GABRG3: variants seen among roughly 807,000 people sequenced by gnomAD.
GABRG3 encodes the protein gamma-aminobutyric acid type A receptor subunit gamma3, also known as gamma-aminobutyric acid receptor subunit gamma-3.
A neutral mutation model predicts 48.8 loss-of-function variants in GABRG3; 25 were observed. The observed-to-expected ratio is 0.51, with a 90% CI of 0.37 to 0.72. The LOEUF is 0.72. Ranked by LOEUF, GABRG3 falls within the 30% of genes least tolerant of loss-of-function variation. The probability of loss-of-function intolerance (pLI) is 0.00; values close to 1 mark genes in which losing one functional copy is unlikely to be tolerated. For missense variants in GABRG3, 394 were observed against 577.9 expected (o/e 0.68, Z 3.26); for synonymous variants, 227 against 217.6 (o/e 1.04, Z -0.38).
At chr15:27,367,234 A>G (rs1022662115) in intron 5 of GABRG3, among the ~76,000 whole-genome samples, 3 of 152,140 alleles carry the variant, frequency 2.0e-5, no homozygotes, top group Admixed American at 2.0e-4. Context: ...GTCTCGTGAG[A>G]ACACCCAGGA....
rs1429074645 is a variant in GABRG3 at position 27,539,912 on chromosome 15, A to G, written c.*7031A>G. 1 of 152,238 alleles carries G rather than the reference A, an allele frequency of 6.6e-6. No individual in the cohort carries two copies. The highest frequency in any genetic ancestry group is 1.5e-5 in the Non-Finnish European group (1 of 68,032). The allele number at this position is 152,238 out of a possible 1,614,324, so 9.4% of individuals were successfully genotyped here. On this transcript the variant is annotated 3_prime_UTR_variant, in exon 10 of 10. Transcript: ENST00000615808. ...CACATAACTTGCTCCCTCAAGTTCT[A>G]AATTGTCACCAAATATGAAAGGTTT...
At chr15:27,335,071 A>G (rs915367454) in intron 5 of GABRG3, among the ~76,000 whole-genome samples, 2 of 151,284 alleles carry the variant, frequency 1.3e-5, no homozygotes, top group Non-Finnish European at 2.9e-5. Flanking sequence ...ATTATATCAT[A>G]TGCAATACTG....
intron 5 of GABRG3, among the ~76,000 whole-genome samples, chr15:27,391,571 C>T (rs1208665244): frequency 1.3e-5 from 2 of 152,174 alleles, no homozygotes; most frequent in African/African-American, 4.8e-5. Context: ...AGTACAGGCC[C>T]TGGCTGCCAC....
At chr15:27,290,357 A>AATT (rs1478250082) in intron 3 of GABRG3, among the ~76,000 whole-genome samples, 1 of 151,958 alleles carries the variant, frequency 6.6e-6, no homozygotes, top group East Asian at 1.9e-4. Context: ...CCACACACAC[A>AATT]ATTGAGTGTG....
chr15:27,077,069 T>C (rs1432126), intron 3 of GABRG3, among the ~76,000 whole-genome samples: 31,376 of 152,144 alleles, frequency 0.21, 3,394 homozygotes, highest in Middle Eastern at 0.27. Flanking sequence ...GTAACGCTGC[T>C]GAAGTTTCAT....
At chr15:27,261,215 T>C (rs1356106443) in intron 3 of GABRG3, among the ~76,000 whole-genome samples, 3 of 151,972 alleles carry the variant, frequency 2.0e-5, no homozygotes, top group Non-Finnish European at 1.5e-5. Context: ...AAGAAGAAAA[T>C]GGTTGGAGGT....
intron 1 of GABRG3, among the ~76,000 whole-genome samples, chr15:26,972,357 A>C (rs912861578): frequency 6.6e-6 from 1 of 152,228 alleles, no homozygotes; most frequent in Non-Finnish European, 1.5e-5. Context: ...AAGAGGGCGC[A>C]TGAGGATACA....
At chr15:27,124,724 T>A (rs1389080983) in intron 3 of GABRG3, among the ~76,000 whole-genome samples, 1 of 152,170 alleles carries the variant, frequency 6.6e-6, no homozygotes, top group Non-Finnish European at 1.5e-5. Context: ...GGGCAACAGC[T>A]GTGGGTGCTT....
At chr15:27,146,327 G>A (rs893230316) in intron 3 of GABRG3, among the ~76,000 whole-genome samples, 4 of 151,972 alleles carry the variant, frequency 2.6e-5, no homozygotes, top group African/African-American at 7.3e-5. Context: ...TTTGATGGCC[G>A]GTGCCTGTAG....
intron 3 of GABRG3, among the ~76,000 whole-genome samples, chr15:27,307,907 A>G (rs1348470040): frequency 1.1e-5 from 1 of 88,606 alleles, no homozygotes; most frequent in South Asian, 2.8e-4. Context: ...TATAAAATAA[A>G]CATGTTTATA....
chr15:26,971,625 A>T lies in GABRG3; in HGVS notation c.53+37A>T, dbSNP rs778710082. ...GGGGGCCGCATCCCCGGAGGCCCCGAGCTGGGCGACAGGGCGGCGGGGGGC... is the reference window on the plus strand; with the variant it reads ...GGGGGCCGCATCCCCGGAGGCCCCGTGCTGGGCGACAGGGCGGCGGGGGGC... On this transcript the variant is annotated intron_variant, in intron 1 of 9. Coordinates refer to ENST00000615808, the MANE Select transcript of GABRG3 (RefSeq NM_033223.5). The T allele has an allele frequency of 2.6e-6, 4 of 1,517,640 alleles. No homozygotes were observed. The South Asian group carries it at 4.9e-5, about 19-fold the overall frequency. The allele number at this position is 1,517,640 out of a possible 1,614,324, so 94.0% of individuals were successfully genotyped here. A position where few individuals can be genotyped will look rare whatever the true frequency, so the allele number is the denominator to read the frequency against.
chr15:27,061,335 G>A (rs886550121), intron 3 of GABRG3, among the ~76,000 whole-genome samples: 2 of 152,122 alleles, frequency 1.3e-5, no homozygotes, highest in African/African-American at 2.4e-5. Flanking sequence ...CGCACTGCCT[G>A]CTCTCACACT....
At chr15:27,523,366 TTTTAA>T (rs936628553) in intron 7 of GABRG3, among the ~76,000 whole-genome samples, 8 of 151,820 alleles carry the variant, frequency 5.3e-5, no homozygotes, top group South Asian at 2.1e-4. Flanking sequence ...TATGCAGAAA[TTTTAA>T]TTTAATTTAT....
intron 3 of GABRG3, among the ~76,000 whole-genome samples, chr15:27,165,755 A>C (rs2140407040): frequency 6.6e-6 from 1 of 152,226 alleles, no homozygotes; most frequent in South Asian, 2.1e-4. Flanking sequence ...CCAGTCAGTG[A>C]GAGGAGGATC....
At chr15:27,389,763 C>G (rs1896165305) in intron 5 of GABRG3, among the ~76,000 whole-genome samples, 2 of 152,170 alleles carry the variant, frequency 1.3e-5, no homozygotes, top group Admixed American at 1.3e-4. Context: ...GCTTAACAAA[C>G]CAACCAAGTA....
At chr15:27,449,720 A>G (rs1889051591) in intron 5 of GABRG3, among the ~76,000 whole-genome samples, 1 of 152,258 alleles carries the variant, frequency 6.6e-6, no homozygotes, top group South Asian at 2.1e-4. Flanking sequence ...GGGTGTTGGC[A>G]TGGTTAATGA....
chr15:26,980,295 A>G (rs1347839850), intron 2 of GABRG3, among the ~76,000 whole-genome samples: 1 of 151,892 alleles, frequency 6.6e-6, no homozygotes, highest in Non-Finnish European at 1.5e-5. Flanking sequence ...TTTTGTTCCC[A>G]ATTACATCAA....
At chr15:27,134,311 C>T (rs1215367671) in intron 3 of GABRG3, among the ~76,000 whole-genome samples, 4 of 152,148 alleles carry the variant, frequency 2.6e-5, no homozygotes, top group Non-Finnish European at 4.4e-5. Flanking sequence ...GACAAAACAG[C>T]CCTTGTCCTA....
rs1891582418 is a variant in GABRG3, at chr15:27,537,812, T to TATTA, written c.*4932_*4935dup. ...GGCAGACTTTCTTTATATTTATTTT[T>TATTA]ATTATTTATTTATTTATTTATTTAT... is the stretch of plus-strand genomic sequence containing the variant. On this transcript the variant is annotated 3_prime_UTR_variant, in exon 10 of 10. Coordinates refer to ENST00000615808, the MANE Select transcript of GABRG3 (RefSeq NM_033223.5). 1 of 148,306 alleles carries TATTA rather than the reference T, an allele frequency of 6.7e-6. No individual in the cohort carries two copies. Among genetic ancestry groups the TATTA allele is most frequent in the South Asian group, 2.1e-4 (1 of 4,752 alleles). The allele number at this position is 148,306 out of a possible 1,614,324, so 9.2% of individuals were successfully genotyped here.
Sources: allele counts gnomAD v4.1 joint callset (sites outside exome capture counted in the v4.1 genomes callset), GRCh38; gene constraint gnomAD v4.1.1; transcripts MANE v1.5; gene names NCBI Gene and HGNC (gene_info 2026-07-23, HGNC 2026-07-21).